PTPRD: variants seen among roughly 807,000 people sequenced by gnomAD.
PTPRD encodes the protein protein tyrosine phosphatase receptor type D.
PTPRD carries 34 observed loss-of-function variants against 214.5 expected under a neutral mutation model. The ratio of observed to expected loss-of-function variants is 0.16; its 90% CI spans 0.12 to 0.21. PTPRD has a LOEUF of 0.21. Ranked by LOEUF, PTPRD falls within the 10% of genes least tolerant of loss-of-function variation. PTPRD has a pLI of 1.00. For missense variants in PTPRD, 2,545 were observed against 2,398.7 expected (o/e 1.06, Z -1.27); for synonymous variants, 1,128 against 845.7 (o/e 1.33, Z -5.79).
At chr9:8,357,264 C>T (rs2133655416) in intron 39 of PTPRD, among the ~76,000 whole-genome samples, 1 of 152,262 alleles carries the variant, frequency 6.6e-6, no homozygotes, top group African/African-American at 2.4e-5. Flanking sequence ...CTAACTTTAC[C>T]AGAAAATGAA....
At chr9:8,381,853 G>T (rs2085194345) in intron 37 of PTPRD, among the ~76,000 whole-genome samples, 1 of 152,158 alleles carries the variant, frequency 6.6e-6, no homozygotes, top group Non-Finnish European at 1.5e-5. Flanking sequence ...CCATTAAACT[G>T]AAAGTCATTA....
At chr9:10,233,922 T>G (rs1458593412) in intron 3 of PTPRD, among the ~76,000 whole-genome samples, 1 of 151,904 alleles carries the variant, frequency 6.6e-6, no homozygotes, top group African/African-American at 2.4e-5. Flanking sequence ...ACTGACATAG[T>G]GCCCATGTGC....
At chr9:9,003,578 TAATGCCA>T (rs2099434187) in intron 11 of PTPRD, among the ~76,000 whole-genome samples, 2 of 152,042 alleles carry the variant, frequency 1.3e-5, no homozygotes, top group African/African-American at 4.8e-5. Flanking sequence ...TGTCCTAATT[TAATGCCA>T]GTTAAACAGT....
At chr9:9,516,080 G>A (rs923502214) in intron 8 of PTPRD, among the ~76,000 whole-genome samples, 1 of 151,970 alleles carries the variant, frequency 6.6e-6, no homozygotes, top group Non-Finnish European at 1.5e-5. Flanking sequence ...CAAGTTCTTG[G>A]GATAATTTTG....
chr9:8,408,962 G>A (rs959754745), intron 35 of PTPRD, among the ~76,000 whole-genome samples: 1 of 152,162 alleles, frequency 6.6e-6, no homozygotes, highest in African/African-American at 2.4e-5. Flanking sequence ...TCTTTAACTT[G>A]ATGGTCTGAA....
At chr9:9,423,168 A>C (rs917999321) in intron 8 of PTPRD, among the ~76,000 whole-genome samples, 3 of 152,160 alleles carry the variant, frequency 2.0e-5, no homozygotes, top group African/African-American at 7.2e-5. Context: ...AGTTTTTCAC[A>C]CAATGTCCAG....
intron 12 of PTPRD, among the ~76,000 whole-genome samples, chr9:8,686,532 C>A (rs1386662900): frequency 6.6e-6 from 1 of 152,096 alleles, no homozygotes; most frequent in East Asian, 1.9e-4. Flanking sequence ...TACATTGTCA[C>A]AACAATTTCA....
chr9:9,007,657 T>C (rs899349771), intron 11 of PTPRD, among the ~76,000 whole-genome samples: 1 of 151,138 alleles, frequency 6.6e-6, no homozygotes, highest in African/African-American at 2.4e-5. Context: ...TTGCTTTAGA[T>C]ACCTATGTAT....
At chr9:9,862,332 G>C (rs892230919) in intron 5 of PTPRD, among the ~76,000 whole-genome samples, 2 of 152,194 alleles carry the variant, frequency 1.3e-5, no homozygotes, top group African/African-American at 2.4e-5. Context: ...CACAAATTAG[G>C]TTAATGAAAG....
At chr9:10,386,385 T>C (rs1478235770) in intron 2 of PTPRD, among the ~76,000 whole-genome samples, 1 of 151,906 alleles carries the variant, frequency 6.6e-6, no homozygotes, top group Non-Finnish European at 1.5e-5. Flanking sequence ...CCTTTTCCTA[T>C]ATTTATCTCT....
chr9:10,197,557 G>A (rs761661390), intron 3 of PTPRD, among the ~76,000 whole-genome samples: 1 of 152,104 alleles, frequency 6.6e-6, no homozygotes, highest in African/African-American at 2.4e-5. Flanking sequence ...TAAGAAATAA[G>A]AGGTACGTTT....
chr9:9,618,908 A>G (rs2095064984), intron 7 of PTPRD, among the ~76,000 whole-genome samples: 1 of 152,166 alleles, frequency 6.6e-6, no homozygotes, highest in Non-Finnish European at 1.5e-5. Context: ...AACAAAGGAA[A>G]AAAAACCTCT....
intron 8 of PTPRD, among the ~76,000 whole-genome samples, chr9:9,406,915 A>C (rs2073661115): frequency 6.6e-6 from 1 of 151,234 alleles, no homozygotes; most frequent in Admixed American, 6.6e-5. Context: ...GTCTATTATA[A>C]TGCTGAGCAC....
intron 37 of PTPRD, among the ~76,000 whole-genome samples, chr9:8,384,806 G>A (rs138254655): frequency 0.013 from 1,912 of 152,276 alleles, 43 homozygotes; most frequent in African/African-American, 0.044. Flanking sequence ...GATTACAGGC[G>A]TGAGCCACCG....
intron 10 of PTPRD, among the ~76,000 whole-genome samples, chr9:9,126,207 A>C (rs2099833030): frequency 6.6e-6 from 1 of 152,192 alleles, no homozygotes; most frequent in Non-Finnish European, 1.5e-5. Context: ...TTAGATCGAT[A>C]ATGTCTTGGT....
At chr9:10,403,807 G>C (rs2098315310) in intron 2 of PTPRD, among the ~76,000 whole-genome samples, 1 of 151,754 alleles carries the variant, frequency 6.6e-6, no homozygotes, top group African/African-American at 2.4e-5. Flanking sequence ...AAACTGTGGA[G>C]ACAGTTAAAA....
intron 3 of PTPRD, among the ~76,000 whole-genome samples, chr9:10,258,695 T>C (rs2093467926): frequency 6.6e-6 from 1 of 152,188 alleles, no homozygotes; most frequent in Non-Finnish European, 1.5e-5. Flanking sequence ...GGAGTATACA[T>C]ATAGGCACTA....
chr9:9,883,913 C>A (rs2069760846), intron 5 of PTPRD, among the ~76,000 whole-genome samples: 1 of 152,072 alleles, frequency 6.6e-6, no homozygotes, highest in Admixed American at 6.6e-5. Context: ...TTAGTAGCTC[C>A]TGGAAAGTCA....
intron 8 of PTPRD, 79 bp downstream of exon 8, chr9:9,574,653 T>C (rs1350307873): frequency 6.6e-6 from 1 of 151,922 alleles, no homozygotes; most frequent in African/African-American, 2.4e-5. Flanking sequence ...GAATTTCCTT[T>C]ACTTAAAAAA....
Sources: allele counts gnomAD v4.1 joint callset (sites outside exome capture counted in the v4.1 genomes callset), GRCh38; gene constraint gnomAD v4.1.1; transcripts MANE v1.5; gene names NCBI Gene and HGNC (gene_info 2026-07-23, HGNC 2026-07-21).